Variants in APP observed in about 807,000 individuals in gnomAD.
The protein encoded by APP is amyloid-beta precursor protein.
In APP, 31 loss-of-function variants were observed where a neutral mutation model predicts 101.4. That is an observed-to-expected ratio of 0.31 (90% CI 0.23 to 0.41). The LOEUF is 0.41. Among genes scored for constraint, APP ranks in the 10% least tolerant of loss-of-function variants. The pLI, the probability that APP is intolerant of heterozygous loss-of-function variation, is 1.00. For synonymous variants in APP, 366 were observed against 364.4 expected, an observed-to-expected ratio of 1.00 and a Z score of -0.05; for missense variants, 839 against 1,003.7, an observed-to-expected ratio of 0.84 and a Z score of 2.22.
chr21:26,102,028 A>G (rs1490461576), intron 2 of APP, among the ~76,000 whole-genome samples: 1 of 150,558 alleles, frequency 6.6e-6, no homozygotes, highest in African/African-American at 2.4e-5. Flanking sequence ...ATTGAAGTAC[A>G]CTTCCTTTAT....
At position 26,170,446 on chromosome 21, in the gene APP, G is replaced by A. The variant is rs1056106765; in HGVS notation, c.57+118C>T. The A allele has an allele frequency of 2.1e-5, 23 of 1,078,630 alleles. No homozygotes were observed. In the Admixed American group the frequency reaches 5.2e-4, roughly 24 times the overall value. The allele number at this position is 1,078,630 out of a possible 1,614,324, so 66.8% of individuals were successfully genotyped here. On this transcript the variant is annotated intron_variant, in intron 1 of 17. Transcript: ENST00000346798. ...CGTCCGCAAGCGGGGGCGGAGAGGAGAGGGGTCCCATTGACGGACCCCCGG... is the reference window on the plus strand; with the variant it reads ...CGTCCGCAAGCGGGGGCGGAGAGGAAAGGGGTCCCATTGACGGACCCCCGG...
At chr21:25,980,212 A>G (rs368707373) in intron 9 of APP, among the ~76,000 whole-genome samples, 5 of 152,242 alleles carry the variant, frequency 3.3e-5, no homozygotes, top group African/African-American at 1.2e-4. Context: ...GACCAGAGTC[A>G]GGGTACAGTG....
chr21:25,888,143 T>G (rs1175134069), intron 17 of APP, among the ~76,000 whole-genome samples: 1 of 152,172 alleles, frequency 6.6e-6, no homozygotes, highest in African/African-American at 2.4e-5. Flanking sequence ...AATATTGATG[T>G]ACTCATTTTT....
rs2146707991 is a variant in APP at position 26,006,730 on chromosome 21, G to C, written c.866-6548C>G. Among the ~76,000 whole-genome samples, 2 of 152,266 alleles carry C rather than the reference G, an allele frequency of 1.3e-5. 1 individual carries two copies. The highest frequency in any genetic ancestry group is 4.1e-4 in the South Asian group (2 of 4,832). ...TAATAAATTTAGAATGAACACAGTTGTGAAACTGGCAACCAGAATGGGGAG... is the reference window on the plus strand; with the variant it reads ...TAATAAATTTAGAATGAACACAGTTCTGAAACTGGCAACCAGAATGGGGAG... On this transcript the variant is annotated intron_variant, in intron 6 of 17. Transcript: ENST00000346798.
intron 3 of APP, 89 bp from the exon 4 acceptor site, chr21:26,053,437 A>C: frequency 1.0e-6 from 1 of 956,876 alleles, no homozygotes; most frequent in Non-Finnish European, 1.7e-6. Context: ...AGACTTCAAG[A>C]CAAGTTAAAC....
intron 15 of APP, among the ~76,000 whole-genome samples, chr21:25,899,656 C>T (rs1005530508): frequency 1.3e-5 from 2 of 152,208 alleles, no homozygotes; most frequent in African/African-American, 4.8e-5. Context: ...TTAGCTCAGG[C>T]AGTGTCTTAA....
At chr21:26,166,560 A>G (rs1601609622) in intron 1 of APP, among the ~76,000 whole-genome samples, 1 of 152,210 alleles carries the variant, frequency 6.6e-6, no homozygotes, top group African/African-American at 2.4e-5. Flanking sequence ...GTGTTGCCTG[A>G]ATGTAGAATC....
chr21:25,980,895 G>A (rs1335081567), intron 9 of APP, among the ~76,000 whole-genome samples: 2 of 152,184 alleles, frequency 1.3e-5, no homozygotes, highest in Non-Finnish European at 2.9e-5. Flanking sequence ...TGGTCAGGAG[G>A]GGAAAACATG....
chr21:26,097,242 T>C (rs1004511688), intron 2 of APP, among the ~76,000 whole-genome samples: 7 of 152,176 alleles, frequency 4.6e-5, no homozygotes, highest in Non-Finnish European at 7.3e-5. Flanking sequence ...CCCTGACCAC[T>C]TGCTACCTCC....
At chr21:26,067,722 A>G (rs2046511592) in intron 3 of APP, among the ~76,000 whole-genome samples, 1 of 152,166 alleles carries the variant, frequency 6.6e-6, no homozygotes. Context: ...GATTAATTCT[A>G]ATACAGAAAT....
chr21:25,896,948 C>T (rs1203779759), intron 16 of APP, among the ~76,000 whole-genome samples: 4 of 152,118 alleles, frequency 2.6e-5, no homozygotes, highest in African/African-American at 9.7e-5. Flanking sequence ...TTCTGTAAAA[C>T]CAAGCAGTGT....
chr21:26,074,620 G>A (rs868180643), intron 3 of APP, among the ~76,000 whole-genome samples: 1 of 152,088 alleles, frequency 6.6e-6, no homozygotes, highest in Non-Finnish European at 1.5e-5. Flanking sequence ...GCATGATGGC[G>A]TGTGCCTGTA....
chr21:25,895,114 T>C (rs564313687), intron 16 of APP, among the ~76,000 whole-genome samples: 2 of 151,032 alleles, frequency 1.3e-5, no homozygotes, highest in African/African-American at 4.8e-5. Flanking sequence ...ACATGGCTTT[T>C]TTTTTTTTTA....
At chr21:26,070,881 C>T (rs1305313652) in intron 3 of APP, among the ~76,000 whole-genome samples, 1 of 152,128 alleles carries the variant, frequency 6.6e-6, no homozygotes, top group Non-Finnish European at 1.5e-5. Context: ...GAGAACAAGG[C>T]TACTCTTCAA....
chr21:26,012,636 C>T (rs2043859016), intron 6 of APP, among the ~76,000 whole-genome samples: 1 of 152,210 alleles, frequency 6.6e-6, no homozygotes, highest in African/African-American at 2.4e-5. Flanking sequence ...TTGTAACCTG[C>T]TCAAGGAATC....
intron 14 of APP, among the ~76,000 whole-genome samples, chr21:25,909,089 C>CTA: frequency 6.6e-6 from 1 of 152,094 alleles, no homozygotes; most frequent in East Asian, 1.9e-4. Flanking sequence ...CGGTGAAACC[C>CTA]TATCTCTAGT....
intron 13 of APP, among the ~76,000 whole-genome samples, chr21:25,952,964 A>G (rs968537718): frequency 3.0e-4 from 46 of 152,352 alleles, no homozygotes; most frequent in African/African-American, 1.1e-3. Context: ...ACAGTGAAAA[A>G]TTAATTGGAG....
chr21:25,916,672 CT>C (rs1246684167), intron 13 of APP, among the ~76,000 whole-genome samples: 1 of 152,166 alleles, frequency 6.6e-6, no homozygotes, highest in Admixed American at 6.5e-5. Flanking sequence ...ATTTTCAGAA[CT>C]TTTAAGCATC....
At chr21:25,943,788 G>A (rs949033122) in intron 13 of APP, among the ~76,000 whole-genome samples, 2 of 152,144 alleles carry the variant, frequency 1.3e-5, no homozygotes, top group Admixed American at 6.5e-5. Context: ...TAAAAGTGGT[G>A]ACTGAGAACT....
Sources: allele counts gnomAD v4.1 joint callset (sites outside exome capture counted in the v4.1 genomes callset), GRCh38; gene constraint gnomAD v4.1.1; transcripts MANE v1.5; gene names NCBI Gene and HGNC (gene_info 2026-07-23, HGNC 2026-07-21).